MCTP1: variants seen among roughly 807,000 people sequenced by gnomAD.
The protein encoded by MCTP1 is multiple C2 and transmembrane domain containing 1.
A neutral mutation model predicts 120.6 loss-of-function variants in MCTP1; 69 were observed. The observed-to-expected ratio is 0.57, with a 90% CI of 0.47 to 0.70. The LOEUF (loss-of-function observed/expected upper bound fraction) is 0.70, where lower values mean the gene tolerates loss of function less well. MCTP1 is among the 30% of genes least tolerant of loss of function. The pLI, the probability that MCTP1 is intolerant of heterozygous loss-of-function variation, is 0.00. For missense variants in MCTP1, 1,203 were observed against 1,248.8 expected (o/e 0.96, Z 0.55); for synonymous variants, 529 against 493.1 (o/e 1.07, Z -0.96).
chr5:94,927,254 A>G (rs747252564), intron 6 of MCTP1, among the ~76,000 whole-genome samples: 6 of 152,156 alleles, frequency 3.9e-5, no homozygotes, highest in South Asian at 4.1e-4. Context: ...GTCAAAATAT[A>G]TTCTTTGATA....
intron 17 of MCTP1, among the ~76,000 whole-genome samples, chr5:94,821,294 T>C (rs1447402400): frequency 6.6e-6 from 1 of 152,196 alleles, no homozygotes; most frequent in Non-Finnish European, 1.5e-5. Flanking sequence ...GTACTGGAAA[T>C]AGTTGGGCTT....
intron 12 of MCTP1, among the ~76,000 whole-genome samples, chr5:94,880,972 T>C (rs1457064069): frequency 6.6e-6 from 1 of 152,166 alleles, no homozygotes; most frequent in Non-Finnish European, 1.5e-5. Context: ...TGCTGTCCTC[T>C]GCTGGACACT....
intron 2 of MCTP1, among the ~76,000 whole-genome samples, chr5:95,014,612 A>C (rs1836711845): frequency 6.6e-6 from 1 of 152,140 alleles, no homozygotes; most frequent in Non-Finnish European, 1.5e-5. Flanking sequence ...ACCAGTTTTT[A>C]CTTAACAATT....
chr5:95,121,277 CAAAAAAAAAAAAA>C (rs34423597), intron 1 of MCTP1, among the ~76,000 whole-genome samples: 1 of 35,066 alleles, frequency 2.9e-5, no homozygotes, highest in Non-Finnish European at 4.5e-5. Flanking sequence ...GACTCCATCA[CAAAAAAAAAAAAA>C]AAAAAAAAAA....
In MCTP1 at chr5:95,242,705, G is replaced by T. The variant is rs543652144; in HGVS notation, c.720+41151C>A. 3.3e-5 allele frequency among the ~76,000 whole-genome samples: 5 copies of T among 152,130 alleles called. No homozygotes were observed. The South Asian group carries it at 1.0e-3, about 32-fold the overall frequency. Reference sequence around the variant, plus strand: ...TTCTAGGAATTGAAAATTAAATCTAGGTGACATAAGTCAGATCAGTGGTAG... The same window carrying T: ...TTCTAGGAATTGAAAATTAAATCTATGTGACATAAGTCAGATCAGTGGTAG... On this transcript the variant is annotated intron_variant, in intron 1 of 22. Coordinates refer to ENST00000515393, the MANE Select transcript of MCTP1 (RefSeq NM_024717.7).
At chr5:94,759,786 T>A (rs186036704) in intron 19 of MCTP1, among the ~76,000 whole-genome samples, 52 of 152,140 alleles carry the variant, frequency 3.4e-4, no homozygotes, top group African/African-American at 1.1e-3. Context: ...TTCACATAAG[T>A]GTTTTATGTA....
chr5:94,717,533 A>G (rs979359360), intron 19 of MCTP1, among the ~76,000 whole-genome samples: 3 of 152,178 alleles, frequency 2.0e-5, no homozygotes, highest in African/African-American at 7.2e-5. Context: ...GCAATCAGGC[A>G]AGAGAGAGAA....
At chr5:95,169,405 C>A (rs1434501553) in intron 1 of MCTP1, among the ~76,000 whole-genome samples, 3 of 152,100 alleles carry the variant, frequency 2.0e-5, no homozygotes, top group Admixed American at 2.0e-4. Context: ...ATGATGTTGG[C>A]CTCATAAAAT....
In MCTP1 at chr5:95,230,029, C is replaced by G. The variant is rs144274734; in HGVS notation, c.720+53827G>C. Among the ~76,000 whole-genome samples the G allele has an allele frequency of 6.4e-4, 97 of 152,208 alleles. 1 individual carries two copies. The highest frequency in any genetic ancestry group is 2.3e-3 in the African/African-American group (96 of 41,538). On this transcript the variant is annotated intron_variant, in intron 1 of 22. Coordinates refer to ENST00000515393, the MANE Select transcript of MCTP1 (RefSeq NM_024717.7). The stretch of plus-strand genomic sequence containing the variant: ...AAAGGAGGCCTCCAGAACTAAGGCA[C>G]ATGCTCCTCTTAACAGAGAAGATCT...
intron 17 of MCTP1, among the ~76,000 whole-genome samples, chr5:94,821,942 C>T (rs1029331379): frequency 3.9e-5 from 6 of 152,076 alleles, no homozygotes; most frequent in African/African-American, 4.8e-5. Flanking sequence ...TACGTTATAC[C>T]ATTAGCTTGA....
chr5:94,821,649 A>C (rs1300684371), intron 17 of MCTP1, among the ~76,000 whole-genome samples: 1 of 152,172 alleles, frequency 6.6e-6, no homozygotes, highest in East Asian at 1.9e-4. Flanking sequence ...AACTGTGCTA[A>C]ATGGCATTAT....
intron 1 of MCTP1, among the ~76,000 whole-genome samples, chr5:95,097,374 T>C (rs1288641995): frequency 6.6e-6 from 1 of 152,174 alleles, no homozygotes; most frequent in Admixed American, 6.5e-5. Flanking sequence ...GAAGCGGATA[T>C]GGCGAGAACC....
intron 1 of MCTP1, among the ~76,000 whole-genome samples, chr5:95,100,753 C>G (rs1045780734): frequency 6.6e-6 from 1 of 152,052 alleles, no homozygotes; most frequent in African/African-American, 2.4e-5. Flanking sequence ...CATATCCCAG[C>G]GATGATATCA....
chr5:95,097,404 G>C (rs1178983877), intron 1 of MCTP1, among the ~76,000 whole-genome samples: 1 of 152,192 alleles, frequency 6.6e-6, no homozygotes, highest in African/African-American at 2.4e-5. Context: ...TTGTAAGATT[G>C]ATTCAGGAAC....
intron 1 of MCTP1, among the ~76,000 whole-genome samples, chr5:95,136,406 TGTTAA>T (rs1428125769): frequency 6.6e-6 from 1 of 152,178 alleles, no homozygotes; most frequent in Middle Eastern, 3.2e-3. Flanking sequence ...TGTGATGAGA[TGTTAA>T]GTTAAGCTAT....
chr5:94,901,734 C>T (rs766968198), intron 10 of MCTP1, among the ~76,000 whole-genome samples: 8 of 152,100 alleles, frequency 5.3e-5, no homozygotes, highest in Non-Finnish European at 7.3e-5. Context: ...GTTCTGATCA[C>T]CGTTTTTCTC....
intron 2 of MCTP1, among the ~76,000 whole-genome samples, chr5:94,994,143 C>A (rs1243559945): frequency 6.6e-6 from 1 of 152,158 alleles, no homozygotes; most frequent in East Asian, 1.9e-4. Flanking sequence ...AAGTCTATGA[C>A]CATTTGAACT....
intron 1 of MCTP1, among the ~76,000 whole-genome samples, chr5:95,262,855 T>A (rs1758581650): frequency 6.6e-6 from 1 of 152,222 alleles, no homozygotes; most frequent in South Asian, 2.1e-4. Context: ...TTATTCTATA[T>A]ACTACATTAA....
intron 1 of MCTP1, chr5:95,038,028 G>T (rs962622490): frequency 3.7e-6 from 2 of 539,212 alleles, no homozygotes; most frequent in East Asian, 1.5e-4. Flanking sequence ...GCATGTCAAT[G>T]TGCCATTCTC....
Sources: allele counts gnomAD v4.1 joint callset (sites outside exome capture counted in the v4.1 genomes callset), GRCh38; gene constraint gnomAD v4.1.1; transcripts MANE v1.5; gene names NCBI Gene and HGNC (gene_info 2026-07-23, HGNC 2026-07-21).